Variants in KBTBD11 observed in about 807,000 individuals in gnomAD.
KBTBD11 encodes the protein kelch repeat and BTB domain-containing protein 11.
For synonymous variants in KBTBD11, 747 were observed against 499.0 expected (o/e 1.50, Z -6.63); for missense variants, 1,390 against 1,001.8 (o/e 1.39, Z -5.23).
At chr8:1,994,367 G>A (rs1817053867) in intron 1 of KBTBD11, among the ~76,000 whole-genome samples, 1 of 152,216 alleles carries the variant, frequency 6.6e-6, no homozygotes, top group Non-Finnish European at 1.5e-5. Context: ...GGGGCAACCG[G>A]CGACCCGCCT....
rs992656800 is a variant in KBTBD11 at position 2,001,061 on chromosome 8, C to T, written c.-132C>T. 2.5e-6 allele frequency: 3 copies of T among 1,185,102 alleles called. No individual in the cohort carries two copies. The highest frequency in any genetic ancestry group is 8.4e-5 in the Admixed American group (2 of 23,732). 73.4% of individuals were successfully genotyped at this position (1,185,102 alleles called of 1,614,324 possible). ...CACACACAACAACAAAGCGTGGACA[C>T]ACAGAAGTGAAATCTGATCGCGTGC... On this transcript the variant is annotated 5_prime_UTR_variant, in exon 2 of 2. Transcript: ENST00000320248.
In KBTBD11 at chr8:2,002,035, G is replaced by C. The variant is rs769366491; in HGVS notation, c.843G>C (p.Arg281=). Residue 281 remains arginine (R), a synonymous_variant, in exon 2 of 2, where the codon CGG becomes CGC. Coordinates refer to ENST00000320248, the MANE Select transcript of KBTBD11 (RefSeq NM_014867.3). This position sits in a 1 kb window ranked among gnomAD's most constrained non-coding sequence, Gnocchi z 4.1. ...AVFGRLSGAE[R]DLLLRRRLRA... ...TCGGCCGCCTGTCGGGCGCAGAGCG[G>C]GACCTGCTGCTGCGCCGCCGCCTGC... The C allele has an allele frequency of 7.6e-7, 1 of 1,321,944 alleles. No homozygotes were observed. 81.9% of individuals were successfully genotyped at this position (1,321,944 alleles called of 1,614,324 possible).
At position 2,003,086 on chromosome 8, in the gene KBTBD11, C is replaced by G. The variant is rs930783457; in HGVS notation, c.*22C>G. ...GTAGGCCGGCGGGGTCGGCGGGCGT[C>G]TCCCTCGGCAGGGGTTTGCGGGGCC... is the stretch of plus-strand genomic sequence containing the variant. On this transcript the variant is annotated 3_prime_UTR_variant, in exon 2 of 2. Transcript: ENST00000320248. The G allele has an allele frequency of 7.9e-7, 1 of 1,259,344 alleles. No individual in the cohort carries two copies. The highest frequency in any genetic ancestry group is 4.2e-5 in the Admixed American group (1 of 23,712). 78.0% of individuals were successfully genotyped at this position (1,259,344 alleles called of 1,614,324 possible).
chr8:1,976,647 T>C (rs901246292), intron 1 of KBTBD11, among the ~76,000 whole-genome samples: 6 of 151,984 alleles, frequency 3.9e-5, no homozygotes, highest in African/African-American at 1.5e-4. Flanking sequence ...AGTTCTCTGC[T>C]ATCTGCAGCT....
Position 2,001,255 on chromosome 8 carries a change from G to C in KBTBD11, c.63G>C (p.Glu21Asp). 6.6e-7 allele frequency: 1 copy of C among 1,506,470 alleles called. No homozygotes were observed. The highest frequency in any genetic ancestry group is 1.2e-5 in the South Asian group (1 of 80,282). The allele number at this position is 1,506,470 out of a possible 1,614,324, so 93.3% of individuals were successfully genotyped here. A position where few individuals can be genotyped will look rare whatever the true frequency, so the allele number is the denominator to read the frequency against. The change falls in exon 2 of 2, where the codon GAG becomes GAC. Residue 21 changes from glutamate to aspartate, a missense_variant. By Grantham distance (45) the Glu-to-Asp change is conservative. Coordinates refer to ENST00000320248, the MANE Select transcript of KBTBD11 (RefSeq NM_014867.3). ...YPGTEPGAAGESESEGAASPA... is the reference protein window; with the variant it reads ...YPGTEPGAAGDSESEGAASPA... ...GGACTGAGCCCGGGGCTGCCGGGGAGAGCGAGAGCGAGGGCGCCGCGTCCC... is the reference window on the plus strand; with the variant it reads ...GGACTGAGCCCGGGGCTGCCGGGGACAGCGAGAGCGAGGGCGCCGCGTCCC...
At chr8:1,991,979 C>T (rs543959600) in intron 1 of KBTBD11, among the ~76,000 whole-genome samples, 5 of 152,124 alleles carry the variant, frequency 3.3e-5, no homozygotes, top group African/African-American at 7.2e-5. Context: ...GCGTCATGCA[C>T]GAGGAAGTGC....
intron 1 of KBTBD11, among the ~76,000 whole-genome samples, chr8:1,988,193 C>T (rs900105230): frequency 2.0e-5 from 3 of 152,178 alleles, no homozygotes; most frequent in Non-Finnish European, 2.9e-5. Context: ...TATAAACATA[C>T]GTGTGCATGT....
intron 1 of KBTBD11, among the ~76,000 whole-genome samples, chr8:1,988,621 T>G (rs1816776933): frequency 6.6e-6 from 1 of 152,234 alleles, no homozygotes; most frequent in African/African-American, 2.4e-5. Context: ...TTCTGGATAT[T>G]AGCCCCTCCT....
intron 1 of KBTBD11, among the ~76,000 whole-genome samples, chr8:1,991,340 G>A (rs1816908243): frequency 6.6e-6 from 1 of 152,224 alleles, no homozygotes; most frequent in Non-Finnish European, 1.5e-5. Context: ...CAGTTTCCAA[G>A]GATGGGAATC....
At chr8:1,977,000 A>G (rs952235686) in intron 1 of KBTBD11, among the ~76,000 whole-genome samples, 1 of 152,090 alleles carries the variant, frequency 6.6e-6, no homozygotes, top group Non-Finnish European at 1.5e-5. Flanking sequence ...CCTCCAACCC[A>G]TGGGCCACGA....
chr8:1,983,741 C>A (rs892852932), intron 1 of KBTBD11, among the ~76,000 whole-genome samples: 60 of 152,254 alleles, frequency 3.9e-4, no homozygotes, highest in African/African-American at 1.3e-3. Context: ...CACATGTGTT[C>A]AGCTTATCTC....
intron 1 of KBTBD11, among the ~76,000 whole-genome samples, chr8:1,983,341 T>A (rs1816602181): frequency 6.6e-6 from 1 of 152,252 alleles, no homozygotes; most frequent in Non-Finnish European, 1.5e-5. Context: ...ACAGCCACCA[T>A]ACATCTGTCC....
chr8:1,993,367 G>C (rs9720855), intron 1 of KBTBD11, among the ~76,000 whole-genome samples: 4 of 119,466 alleles, frequency 3.3e-5, no homozygotes, highest in Non-Finnish European at 6.7e-5. Context: ...CGGTCCATCC[G>C]TCCGTCCGTC....
chr8:1,974,841 G>A, intron 1 of KBTBD11: 1 of 319,944 alleles, frequency 3.1e-6, no homozygotes, highest in Non-Finnish European at 4.5e-6. Flanking sequence ...CTAAGGAAAA[G>A]AAAAGGAACA....
intron 1 of KBTBD11, among the ~76,000 whole-genome samples, chr8:1,988,267 A>C (rs896590132): frequency 6.6e-6 from 1 of 152,210 alleles, no homozygotes; most frequent in Non-Finnish European, 1.5e-5. Flanking sequence ...TGGCTGGGTC[A>C]AATGGTATTT....
chr8:1,986,910 C>T (rs1269376086), intron 1 of KBTBD11, among the ~76,000 whole-genome samples: 1 of 150,522 alleles, frequency 6.6e-6, no homozygotes, highest in South Asian at 2.1e-4. Context: ...TGGTGCCTCA[C>T]TCCTGTAATC....
At chr8:1,980,776 C>G (rs1010682418) in intron 1 of KBTBD11, among the ~76,000 whole-genome samples, 56 of 152,224 alleles carry the variant, frequency 3.7e-4, no homozygotes, top group African/African-American at 1.4e-3. Flanking sequence ...GTTCTGTTAA[C>G]TGTCTTTTCT....
At chr8:1,992,206 C>T (rs760432955) in intron 1 of KBTBD11, among the ~76,000 whole-genome samples, 5 of 152,152 alleles carry the variant, frequency 3.3e-5, no homozygotes, top group Non-Finnish European at 5.9e-5. Flanking sequence ...TGAGTTTCCT[C>T]ATCCCTGAGC....
Position 1,973,898 on chromosome 8 carries a change from C to A in KBTBD11, c.-946C>A. 1 of 982,838 alleles carries A rather than the reference C, an allele frequency of 1.0e-6. No individual in the cohort carries two copies. Among genetic ancestry groups the A allele is most frequent in the South Asian group, 4.7e-5 (1 of 21,262 alleles). 60.9% of individuals were successfully genotyped at this position (982,838 alleles called of 1,614,324 possible). On this transcript the variant is annotated 5_prime_UTR_variant, in exon 1 of 2. Coordinates refer to ENST00000320248, the MANE Select transcript of KBTBD11 (RefSeq NM_014867.3). ...GCCGGAGCCCACCCGCCTGGCTGCGCGTCCCGGGCCCGGCGGCTGAAGAGG... is the reference window on the plus strand; with the variant it reads ...GCCGGAGCCCACCCGCCTGGCTGCGAGTCCCGGGCCCGGCGGCTGAAGAGG...
Sources: gnomAD v4.1 joint callset for allele counts (sites outside exome capture counted in the v4.1 genomes callset) on GRCh38, gnomAD v4.1.1 for gene constraint, Gnocchi (gnomAD v3.1) non-coding constraint, MANE v1.5 for transcripts, NCBI Gene and HGNC (gene_info 2026-07-23, HGNC 2026-07-21) for gene names.